VPS41: variants seen among roughly 807,000 people sequenced by gnomAD.
VPS41 encodes VPS41 subunit of HOPS complex, also known as vacuolar protein sorting-associated protein 41 homolog.
VPS41 carries 85 observed loss-of-function variants against 130.9 expected under a neutral mutation model. The observed-to-expected ratio is 0.65, with a 90% confidence interval of 0.55 to 0.78. The LOEUF is 0.78. Among genes scored for constraint, VPS41 ranks in the 30% least tolerant of loss-of-function variants. The pLI is 0.00. For missense variants in VPS41, 874 were observed against 1,018.7 expected, an observed-to-expected ratio of 0.86 and a Z score of 1.93; for synonymous variants, 335 against 332.9, an observed-to-expected ratio of 1.01 and a Z score of -0.07.
At chr7:38,882,135 T>G (rs1786622393) in intron 2 of VPS41, among the ~76,000 whole-genome samples, 1 of 152,070 alleles carries the variant, frequency 6.6e-6, no homozygotes, top group Non-Finnish European at 1.5e-5. Context: ...CCACCACAAG[T>G]CACCACAAGT....
At chr7:38,782,701 C>T (rs1032642973) in intron 10 of VPS41, among the ~76,000 whole-genome samples, 4 of 152,118 alleles carry the variant, frequency 2.6e-5, no homozygotes, top group African/African-American at 4.8e-5. Flanking sequence ...GTCTGGCCCT[C>T]GATAGCATAC....
intron 25 of VPS41, among the ~76,000 whole-genome samples, chr7:38,730,626 G>A (rs1273766489): frequency 1.3e-5 from 2 of 151,964 alleles, no homozygotes; most frequent in Non-Finnish European, 2.9e-5. Context: ...AAACATACAG[G>A]TAGAAGAGAA....
rs548188616 is a variant in VPS41 at position 38,758,264 on chromosome 7, T to A, written c.1550+90A>T. 2.3e-5 allele frequency: 28 copies of A among 1,220,844 alleles called. No individual in the cohort carries two copies. The Admixed American group carries it at 3.6e-4, about 16-fold the overall frequency. 75.6% of individuals were successfully genotyped at this position (1,220,844 alleles called of 1,614,324 possible). A position where few individuals can be genotyped will look rare whatever the true frequency, so the allele number is the denominator to read the frequency against. On this transcript the variant is annotated intron_variant, in intron 18 of 28. Transcript: ENST00000310301. ...ATGTAGGAAAATGGTATAAAATACA[T>A]CTTCTCCACTTGGAGTTTGCCAAAT...
intron 25 of VPS41, among the ~76,000 whole-genome samples, chr7:38,734,901 A>G (rs1795733456): frequency 1.3e-5 from 2 of 152,190 alleles, no homozygotes; most frequent in Non-Finnish European, 2.9e-5. Context: ...TCCTTCCTTT[A>G]GGTCACAATG....
intron 27 of VPS41, 36 bp from the exon 28 acceptor site, chr7:38,727,024 T>C (rs757477788): frequency 4.0e-6 from 6 of 1,484,310 alleles, no homozygotes; most frequent in Non-Finnish European, 3.6e-6. Context: ...GAGAACTTAA[T>C]GCAACAAGCA....
rs1233528725 is a variant in VPS41, at chr7:38,728,680, A to G, written c.2359+12T>C. 1 of 1,614,002 alleles carries G rather than the reference A, an allele frequency of 6.2e-7. No individual in the cohort carries two copies. The highest frequency in any genetic ancestry group is 8.5e-7 in the Non-Finnish European group (1 of 1,179,936). The stretch of plus-strand genomic sequence containing the variant: ...GCACGTGGTTCCATATGATTATTTC[A>G]ATTTTACCCACCATCAACAAGAACA... On this transcript the variant is annotated intron_variant, in intron 26 of 28. Coordinates refer to ENST00000310301, the MANE Select transcript of VPS41 (RefSeq NM_014396.4).
chr7:38,769,805 T>C (rs1176736518), intron 14 of VPS41, among the ~76,000 whole-genome samples: 5 of 152,332 alleles, frequency 3.3e-5, no homozygotes, highest in East Asian at 3.9e-4. Flanking sequence ...AGCCTCCTGA[T>C]TGATCTCCAT....
At chr7:38,826,523 CA>C (rs908153872) in intron 5 of VPS41, among the ~76,000 whole-genome samples, 6 of 152,110 alleles carry the variant, frequency 3.9e-5, no homozygotes, top group Non-Finnish European at 7.4e-5. Context: ...AAGATGACGA[CA>C]ATGATTATAA....
At chr7:38,870,332 G>A (rs1347473298) in intron 2 of VPS41, among the ~76,000 whole-genome samples, 1 of 152,182 alleles carries the variant, frequency 6.6e-6, no homozygotes, top group Non-Finnish European at 1.5e-5. Flanking sequence ...CAAACCAGCT[G>A]CCTTGATGTG....
At chr7:38,847,592 C>T (rs553166892) in intron 4 of VPS41, among the ~76,000 whole-genome samples, 1 of 152,244 alleles carries the variant, frequency 6.6e-6, no homozygotes, top group East Asian at 1.9e-4. Flanking sequence ...TCTGCTATGC[C>T]ACACCTTTGA....
At chr7:38,849,230 G>A (rs112987700) in intron 4 of VPS41, among the ~76,000 whole-genome samples, 2 of 152,260 alleles carry the variant, frequency 1.3e-5, no homozygotes, top group African/African-American at 4.8e-5. Context: ...ACATGCAGAT[G>A]GGTGGGCTGT....
rs376906692 is a variant in VPS41 at position 38,881,307 on chromosome 7, T to C, written c.61-12054A>G. ...CCTCTTCAAAGCTAGCAAAGGCAGG[T>C]TGAATCATTCCCACATCACAGCCTT... On this transcript the variant is annotated intron_variant, in intron 2 of 28. Coordinates refer to ENST00000310301, the MANE Select transcript of VPS41 (RefSeq NM_014396.4). Among the ~76,000 whole-genome samples the C allele has an allele frequency of 3.8e-4, 58 of 152,268 alleles. No homozygotes were observed. In the East Asian group the frequency reaches 0.01, roughly 26 times the overall value.
intron 7 of VPS41, among the ~76,000 whole-genome samples, chr7:38,806,972 T>C (rs188171059): frequency 1.3e-5 from 2 of 152,314 alleles, no homozygotes; most frequent in East Asian, 3.9e-4. Flanking sequence ...TAATCATGTC[T>C]GAATGCAAAC....
At chr7:38,756,451 G>C (rs372483027) in intron 19 of VPS41, among the ~76,000 whole-genome samples, 2 of 152,064 alleles carry the variant, frequency 1.3e-5, no homozygotes, top group African/African-American at 4.8e-5. Flanking sequence ...GTAATAAGTC[G>C]GTCAAGATGG....
chr7:38,772,130 A>T (rs73368232), intron 13 of VPS41, among the ~76,000 whole-genome samples: 8,308 of 152,224 alleles, frequency 0.055, 743 homozygotes, highest in African/African-American at 0.19. Flanking sequence ...CATTCTATCC[A>T]AACTGATAGT....
chr7:38,797,049 C>A (rs1281764838), intron 7 of VPS41, 185 bp from the exon 8 acceptor site: 54 of 654,548 alleles, frequency 8.2e-5, no homozygotes, highest in Non-Finnish European at 4.9e-6. Context: ...ATCATATTCT[C>A]CCCAGGAAGT....
intron 4 of VPS41, among the ~76,000 whole-genome samples, chr7:38,849,025 T>C (rs1785789545): frequency 6.6e-6 from 1 of 152,174 alleles, no homozygotes; most frequent in South Asian, 2.1e-4. Context: ...AAGGAATAAA[T>C]TCTTCTCACA....
chr7:38,848,137 C>T (rs551753837), intron 4 of VPS41, among the ~76,000 whole-genome samples: 1 of 152,328 alleles, frequency 6.6e-6, no homozygotes, highest in South Asian at 2.1e-4. Context: ...TCTCTCAAAA[C>T]TTTTCAAAAG....
chr7:38,819,715 G>A (rs1288564136), intron 6 of VPS41, among the ~76,000 whole-genome samples: 4 of 151,950 alleles, frequency 2.6e-5, no homozygotes, highest in Non-Finnish European at 2.9e-5. Flanking sequence ...ACCACTCTTC[G>A]GGATTCCTTA....
Sources: allele counts gnomAD v4.1 joint callset (sites outside exome capture counted in the v4.1 genomes callset), GRCh38; gene constraint gnomAD v4.1.1; transcripts MANE v1.5; gene names NCBI Gene and HGNC (gene_info 2026-07-23, HGNC 2026-07-21).